Variants in DPP10 observed in about 807,000 individuals in gnomAD.
DPP10 encodes the protein inactive dipeptidyl peptidase 10.
In DPP10, 33 loss-of-function variants were observed where a neutral mutation model predicts 120.9. The observed-to-expected ratio is 0.27, with a 90% CI of 0.21 to 0.37. DPP10 has a LOEUF of 0.37. Ranked by LOEUF, DPP10 falls within the 10% of genes least tolerant of loss-of-function variation. The probability of loss-of-function intolerance (pLI) is 1.00; values close to 1 mark genes in which losing one functional copy is unlikely to be tolerated. For missense variants in DPP10, 816 were observed against 942.8 expected (o/e 0.87, Z 1.76); for synonymous variants, 337 against 326.1 (o/e 1.03, Z -0.36).
intron 3 of DPP10, among the ~76,000 whole-genome samples, chr2:115,408,281 C>T (rs2068681690): frequency 6.6e-6 from 1 of 152,214 alleles, no homozygotes; most frequent in East Asian, 1.9e-4. Flanking sequence ...ATGGTACAGA[C>T]TTCCTGAGGC....
At chr2:114,777,345 A>G (rs541262742) in intron 1 of DPP10, among the ~76,000 whole-genome samples, 6 of 152,116 alleles carry the variant, frequency 3.9e-5, no homozygotes, top group Non-Finnish European at 8.8e-5. Flanking sequence ...TTTGCACTGT[A>G]CAAATCACAA....
intron 1 of DPP10, among the ~76,000 whole-genome samples, chr2:114,840,195 A>G (rs991924839): frequency 1.3e-5 from 2 of 152,188 alleles, no homozygotes; most frequent in African/African-American, 4.8e-5. Flanking sequence ...TGGCTCTTGA[A>G]AAGTGATTAG....
chr2:115,824,185 C>T (rs1409720853), intron 21 of DPP10, among the ~76,000 whole-genome samples: 1 of 152,006 alleles, frequency 6.6e-6, no homozygotes, highest in African/African-American at 2.4e-5. Flanking sequence ...TAAAAAAATG[C>T]TCAATGTTTT....
chr2:114,975,580 A>G (rs1699701794), intron 1 of DPP10, among the ~76,000 whole-genome samples: 1 of 152,166 alleles, frequency 6.6e-6, no homozygotes, highest in African/African-American at 2.4e-5. Context: ...CAAAAATGTT[A>G]AGATGTGCTT....
At position 115,717,754 on chromosome 2, in the gene DPP10, C is replaced by T. The variant is rs1439076416; in HGVS notation, c.577-10062C>T. 2.6e-5 allele frequency among the ~76,000 whole-genome samples: 4 copies of T among 152,200 alleles called. No individual in the cohort carries two copies. The East Asian group carries it at 7.7e-4, about 29-fold the overall frequency. ...TGATGAGGTTGCTGCAACTGGAAGC[C>T]ACGTGAATGGGCATGCACCACATCA... On this transcript the variant is annotated intron_variant, in intron 7 of 25. Transcript: ENST00000410059.
At chr2:114,995,743 T>A (rs1701039044) in intron 1 of DPP10, among the ~76,000 whole-genome samples, 1 of 152,224 alleles carries the variant, frequency 6.6e-6, no homozygotes, top group Non-Finnish European at 1.5e-5. Flanking sequence ...GTTTTACTCG[T>A]CTTTTAGTAA....
chr2:114,725,250 T>G (rs1419533083), intron 1 of DPP10, among the ~76,000 whole-genome samples: 1 of 152,188 alleles, frequency 6.6e-6, no homozygotes. Context: ...TGGACATAAG[T>G]CATTTCGAAC....
At chr2:115,293,427 A>G (rs2060745784) in intron 1 of DPP10, among the ~76,000 whole-genome samples, 1 of 152,084 alleles carries the variant, frequency 6.6e-6, no homozygotes, top group South Asian at 2.1e-4. Context: ...ACACCTTCCA[A>G]TTGTTGCACA....
At chr2:114,512,786 G>T (rs1470279689) in intron 1 of DPP10, among the ~76,000 whole-genome samples, 1 of 152,194 alleles carries the variant, frequency 6.6e-6, no homozygotes, top group Non-Finnish European at 1.5e-5. Flanking sequence ...AACTTCCCAG[G>T]TGCCAGTAGC....
At chr2:115,216,879 G>A (rs562815428) in intron 1 of DPP10, among the ~76,000 whole-genome samples, 25 of 151,136 alleles carry the variant, frequency 1.7e-4, no homozygotes, top group South Asian at 8.4e-4. Flanking sequence ...AGACATATAC[G>A]TGTATATATG....
intron 1 of DPP10, among the ~76,000 whole-genome samples, chr2:114,658,323 A>C (rs1697116278): frequency 6.6e-6 from 1 of 152,214 alleles, no homozygotes; most frequent in South Asian, 2.1e-4. Context: ...CAGGCTGACA[A>C]ATTGGGACCT....
At chr2:115,150,086 T>C (rs963643482) in intron 1 of DPP10, among the ~76,000 whole-genome samples, 1 of 152,096 alleles carries the variant, frequency 6.6e-6, no homozygotes, top group East Asian at 1.9e-4. Context: ...GAAAGGAGAA[T>C]AGATAGAAAG....
chr2:114,983,004 T>C (rs2104869293), intron 1 of DPP10, among the ~76,000 whole-genome samples: 1 of 152,350 alleles, frequency 6.6e-6, no homozygotes, highest in Admixed American at 6.5e-5. Context: ...AATTATGCCT[T>C]GGTGACTTTA....
chr2:115,764,931 C>T (rs1446158872), intron 12 of DPP10, among the ~76,000 whole-genome samples: 1 of 152,064 alleles, frequency 6.6e-6, no homozygotes, highest in Non-Finnish European at 1.5e-5. Flanking sequence ...GAGAAGTAGG[C>T]ATGTTTAGCC....
intron 1 of DPP10, among the ~76,000 whole-genome samples, chr2:115,104,124 G>T: frequency 6.7e-6 from 1 of 148,716 alleles, no homozygotes; most frequent in South Asian, 2.1e-4. Context: ...GTGTCATGTT[G>T]GTGCTTTAAA....
intron 5 of DPP10, among the ~76,000 whole-genome samples, chr2:115,563,899 T>G (rs2149061124): frequency 6.6e-6 from 1 of 152,328 alleles, no homozygotes; most frequent in South Asian, 2.1e-4. Flanking sequence ...AATATGAAGC[T>G]ATTCATCTGT....
chr2:114,862,774 G>A (rs555245419), intron 1 of DPP10, among the ~76,000 whole-genome samples: 44 of 151,996 alleles, frequency 2.9e-4, no homozygotes, highest in African/African-American at 9.6e-4. Flanking sequence ...AGTGATATAT[G>A]GCAAAAGTCA....
intron 1 of DPP10, among the ~76,000 whole-genome samples, chr2:114,854,477 A>G (rs867549126): frequency 2.0e-4 from 30 of 152,196 alleles, no homozygotes; most frequent in African/African-American, 6.8e-4. Flanking sequence ...GATTGAAAAC[A>G]CAAAGCACCT....
At chr2:115,208,217 T>TC (rs1263988785) in intron 1 of DPP10, among the ~76,000 whole-genome samples, 2 of 150,706 alleles carry the variant, frequency 1.3e-5, no homozygotes, top group Non-Finnish European at 3.0e-5. Context: ...TTTTTTTTTT[T>TC]GAGATGGAGT....
Sources: allele counts gnomAD v4.1 joint callset (sites outside exome capture counted in the v4.1 genomes callset), GRCh38; gene constraint gnomAD v4.1.1; transcripts MANE v1.5; gene names NCBI Gene and HGNC (gene_info 2026-07-23, HGNC 2026-07-21).